The following C12orf56 variants were observed in gnomAD, a reference collection of about 807,000 sequenced individuals.
C12orf56 encodes the protein uncharacterized protein C12orf56.
In C12orf56, 71 loss-of-function variants were observed where a neutral mutation model predicts 69.9. The ratio of observed to expected loss-of-function variants is 1.02; its 90% CI spans 0.84 to 1.24. The LOEUF (loss-of-function observed/expected upper bound fraction) is 1.24, where lower values mean the gene tolerates loss of function less well. Ranked by LOEUF, C12orf56 falls within the 50% of genes most tolerant of loss-of-function variation. C12orf56 has a pLI of 0.00. For synonymous variants in C12orf56, 276 were observed against 274.1 expected (o/e 1.01, Z -0.07); for missense variants, 732 against 738.5 (o/e 0.99, Z 0.10).
At chr12:64,361,014 G>T (rs931852397) in intron 1 of C12orf56, among the ~76,000 whole-genome samples, 1 of 152,124 alleles carries the variant, frequency 6.6e-6, no homozygotes, top group Admixed American at 6.6e-5. Flanking sequence ...GAAGTCGGGA[G>T]TTTGAGACTA....
At chr12:64,364,092 C>G (rs903674464) in intron 1 of C12orf56, among the ~76,000 whole-genome samples, 1 of 151,574 alleles carries the variant, frequency 6.6e-6, no homozygotes, top group Non-Finnish European at 1.5e-5. Flanking sequence ...GTGGGCAGAT[C>G]ACTTGAACCC....
chr12:64,302,133 A>C (rs1294744169), intron 6 of C12orf56, among the ~76,000 whole-genome samples: 2 of 152,162 alleles, frequency 1.3e-5, no homozygotes, highest in African/African-American at 4.8e-5. Flanking sequence ...TTTCATCTTC[A>C]TAATCAACTT....
At chr12:64,272,362 A>ATG (rs2038001203) in intron 11 of C12orf56, among the ~76,000 whole-genome samples, 7 of 151,880 alleles carry the variant, frequency 4.6e-5, no homozygotes, top group Non-Finnish European at 1.0e-4. Flanking sequence ...AAAATTAGCC[A>ATG]GTCGTGGTGG....
intron 1 of C12orf56, among the ~76,000 whole-genome samples, chr12:64,369,556 G>A (rs983202949): frequency 2.6e-5 from 4 of 152,162 alleles, no homozygotes; most frequent in Non-Finnish European, 5.9e-5. Context: ...AAAGACCACT[G>A]CATAAAGCAG....
Position 64,367,245 on chromosome 12 carries a change from T to A in C12orf56, c.253-14189A>T, listed in dbSNP as rs370620376. ...TTTATATATTATATGTAATATACAG[T>A]TTATATATTATATATAATATACAGT... On this transcript the variant is annotated intron_variant, in intron 1 of 12. Transcript: ENST00000543942. Among the ~76,000 whole-genome samples, 298 of 59,818 alleles carry A rather than the reference T, an allele frequency of 5.0e-3. 4 individuals are homozygous for A. The highest frequency in any genetic ancestry group is 6.0e-3 in the Non-Finnish European group (165 of 27,466). The allele number at this position is 59,818 out of a possible 152,430, so 39.2% of individuals were successfully genotyped here. A position where few individuals can be genotyped will look rare whatever the true frequency, so the allele number is the denominator to read the frequency against.
At chr12:64,381,222 C>T (rs2039716067) in intron 1 of C12orf56, among the ~76,000 whole-genome samples, 1 of 151,918 alleles carries the variant, frequency 6.6e-6, no homozygotes, top group Non-Finnish European at 1.5e-5. Context: ...GAGTCAGTTC[C>T]TGGGTGGGGG....
chr12:64,376,759 G>A (rs1057243654), intron 1 of C12orf56, among the ~76,000 whole-genome samples: 1 of 152,118 alleles, frequency 6.6e-6, no homozygotes, highest in Non-Finnish European at 1.5e-5. Flanking sequence ...ATGGCTTCCA[G>A]CTCCATCCAT....
chr12:64,285,617 G>A (rs1299519547), intron 7 of C12orf56, among the ~76,000 whole-genome samples: 4 of 151,974 alleles, frequency 2.6e-5, no homozygotes, highest in African/African-American at 4.8e-5. Context: ...GTGAAACCCC[G>A]TTTCTACTAA....
At chr12:64,287,150 A>G (rs112860754) in intron 6 of C12orf56, among the ~76,000 whole-genome samples, 2,866 of 151,354 alleles carry the variant, frequency 0.019, 88 homozygotes, top group African/African-American at 0.065. Context: ...AGGGTGAGGC[A>G]GGAGAATCAC....
intron 1 of C12orf56, among the ~76,000 whole-genome samples, chr12:64,372,779 T>A (rs1278094042): frequency 6.6e-6 from 1 of 152,132 alleles, no homozygotes; most frequent in African/African-American, 2.4e-5. Context: ...CCTCCCAAAG[T>A]GCTGGGATTA....
At chr12:64,361,055 C>A (rs1217943291) in intron 1 of C12orf56, among the ~76,000 whole-genome samples, 3 of 151,940 alleles carry the variant, frequency 2.0e-5, no homozygotes, top group Non-Finnish European at 4.4e-5. Flanking sequence ...CTGGTCTCTA[C>A]TAAAAATACA....
At chr12:64,380,121 AAAAAAAAAAAAAAC>A (rs1371637396) in intron 1 of C12orf56, among the ~76,000 whole-genome samples, 3 of 92,436 alleles carry the variant, frequency 3.2e-5, no homozygotes, top group African/African-American at 1.0e-4. Context: ...AAAAAAAAAA[AAAAAAAAAAAAAAC>A]AAAACAAACA....
intron 2 of C12orf56, among the ~76,000 whole-genome samples, chr12:64,351,627 A>T (rs1009870746): frequency 6.6e-6 from 1 of 152,124 alleles, no homozygotes; most frequent in Non-Finnish European, 1.5e-5. Flanking sequence ...TGTTAATGTC[A>T]GTGAAAGCCG....
intron 3 of C12orf56, among the ~76,000 whole-genome samples, chr12:64,328,624 G>A (rs1226586418): frequency 7.5e-6 from 1 of 133,346 alleles, no homozygotes; most frequent in African/African-American, 2.8e-5. Context: ...AGGTTGCAGT[G>A]AGCCAAAATC....
intron 2 of C12orf56, chr12:64,338,622 C>T: frequency 1.3e-6 from 2 of 1,589,334 alleles, no homozygotes; most frequent in Non-Finnish European, 1.7e-6. Flanking sequence ...TCTTTCTTCT[C>T]ATAATATTCC....
rs1208327956 is a variant in C12orf56, at chr12:64,313,947, G to A, written c.895-1195C>T. On this transcript the variant is annotated intron_variant, in intron 4 of 12. Coordinates refer to ENST00000543942, the MANE Select transcript of C12orf56 (RefSeq NM_001170633.2). ...AATCCCAGCTACTCGGGAGGCTGAG[G>A]CAGGAGAATCGCTTGAACCTGGGAG... 1.6e-4 allele frequency among the ~76,000 whole-genome samples: 24 copies of A among 150,650 alleles called. No individual in the cohort carries two copies. The South Asian group carries it at 5.0e-3, about 31-fold the overall frequency.
intron 4 of C12orf56, among the ~76,000 whole-genome samples, chr12:64,314,195 C>T (rs2038660700): frequency 6.6e-6 from 1 of 151,982 alleles, no homozygotes; most frequent in African/African-American, 2.4e-5. Context: ...AAGCAGTCCT[C>T]CTGCCTCAGC....
Position 64,286,026 on chromosome 12 carries a change from A to G in C12orf56, c.1148T>C (p.Leu383Pro). The change falls in exon 7 of 13, where the codon CTT becomes CCT. Residue 383 changes from leucine (L) to proline (P), a missense_variant. Physicochemically the swap from Leu to Pro is moderately conservative, Grantham distance 98. Transcript: ENST00000543942. ...SDLFYFIVNK[L>P]HEYLPESRDK... Reference sequence around the variant, plus strand: ...CCTAGACTCCGGCAAGTACTCATGAAGTTTGTTTACTATGAAATAGAAAAG... The same window carrying G: ...CCTAGACTCCGGCAAGTACTCATGAGGTTTGTTTACTATGAAATAGAAAAG... 1.9e-6 allele frequency: 3 copies of G among 1,609,942 alleles called. No individual in the cohort carries two copies. Among genetic ancestry groups the G allele is most frequent in the Non-Finnish European group, 2.5e-6 (3 of 1,177,378 alleles).
intron 1 of C12orf56, among the ~76,000 whole-genome samples, chr12:64,368,062 C>T (rs2039522276): frequency 6.6e-6 from 1 of 152,124 alleles, no homozygotes; most frequent in South Asian, 2.1e-4. Context: ...CCCGCCTCAG[C>T]CTCCCAAAGT....
Sources: gnomAD v4.1 joint callset for allele counts (sites outside exome capture counted in the v4.1 genomes callset) on GRCh38, gnomAD v4.1.1 for gene constraint, MANE v1.5 for transcripts, NCBI Gene and HGNC (gene_info 2026-07-23, HGNC 2026-07-21) for gene names.